Variants in CD1E observed in about 807,000 individuals in gnomAD.
CD1E encodes the protein CD1e molecule.
Under a neutral mutation model 40.1 loss-of-function variants are expected in CD1E, and 49 were observed. The observed-to-expected ratio is 1.22, with a 90% CI of 0.97 to 1.55. The LOEUF (loss-of-function observed/expected upper bound fraction) is 1.55. Among genes scored for constraint, CD1E ranks in the 40% most tolerant of loss-of-function variants. The probability of loss-of-function intolerance (pLI) is 0.00; values close to 1 mark genes in which losing one functional copy is unlikely to be tolerated. For missense variants in CD1E, 492 were observed against 471.3 expected (o/e 1.04, Z -0.41); for synonymous variants, 189 against 178.3 (o/e 1.06, Z -0.48).
intron 4 of CD1E, 104 bp downstream of exon 4, chr1:158,356,209 A>G (rs1318379054): frequency 1.5e-6 from 2 of 1,308,926 alleles, no homozygotes; most frequent in Admixed American, 2.4e-5. Context: ...CAAGAAGGGT[A>G]AAACTGGGAC....
chr1:158,356,602 T>A lies in CD1E; in HGVS notation c.998+11T>A, dbSNP rs1653722716. 1 of 1,609,850 alleles carries A rather than the reference T, an allele frequency of 6.2e-7. No homozygotes were observed. Among genetic ancestry groups the A allele is most frequent in the Non-Finnish European group, 8.5e-7 (1 of 1,176,484 alleles). On this transcript the variant is annotated intron_variant, in intron 5 of 5. Transcript: ENST00000368167. ...GTTAAAAAAACAGAGGTGAGCTTTT[T>A]CTTGTTCTTTGTTTCTTCAGCCTGT...
chr1:158,355,940 G>A lies in CD1E; in HGVS notation c.739G>A (p.Gly247Ser). ...PKPVWVMWMR[G>S]EQEQRGTQRG... is the part of the protein sequence containing the mutation. ...GCCCGTGTGGGTGATGTGGATGCGG[G>A]GTGAGCAGGAGCAGCGGGGCACTCA... Residue 247 changes from glycine to serine, a missense_variant, in exon 4 of 6, where the codon GGT becomes AGT. Gly to Ser is a moderately conservative substitution (Grantham distance 56, BLOSUM62 0). Coordinates refer to ENST00000368167, the MANE Select transcript of CD1E (RefSeq NM_030893.4). 2 of 1,614,136 alleles carry A rather than the reference G, an allele frequency of 1.2e-6. No homozygotes were observed. Among genetic ancestry groups the A allele is most frequent in the South Asian group, 1.1e-5 (1 of 91,078 alleles).
Position 158,357,038 on chromosome 1 carries a change from TC to T in CD1E, c.*144del. 1 of 651,888 alleles carries T rather than the reference TC, an allele frequency of 1.5e-6. No individual in the cohort carries two copies. Among genetic ancestry groups the T allele is most frequent in the Non-Finnish European group, 2.6e-6 (1 of 390,962 alleles). The allele number at this position is 651,888 out of a possible 1,614,324, so 40.4% of individuals were successfully genotyped here. A position where few individuals can be genotyped will look rare whatever the true frequency, so the allele number is the denominator to read the frequency against. On this transcript the variant is annotated 3_prime_UTR_variant, in exon 6 of 6. Transcript: ENST00000368167. ...CTTTAGGAATACTTTTTCCCCATCT[TC>T]CAGAGATTTTTTTTTTCCTGCTTTG...
At chr1:158,355,679 A>T in intron 3 of CD1E, 110 bp downstream of exon 3, 1 of 1,430,444 alleles carries the variant, frequency 7.0e-7, no homozygotes. Context: ...AGAGAATGAG[A>T]TGTGTGGGTT....
Position 158,355,910 on chromosome 1 carries a change from C to T in CD1E, c.709C>T (p.Pro237Ser), listed in dbSNP as rs1212716546. The T allele has an allele frequency of 3.1e-6, 5 of 1,614,104 alleles. No individual in the cohort carries two copies. The highest frequency in any genetic ancestry group is 4.2e-6 in the Non-Finnish European group (5 of 1,180,026). The change falls in exon 4 of 6, where the codon CCA becomes TCA. Residue 237 changes from proline to serine, a missense_variant. Coordinates refer to ENST00000368167, the MANE Select transcript of CD1E (RefSeq NM_030893.4). Reference sequence around the variant, plus strand: ...TGTGTGCCATGTCTCAGGATTCTACCCAAAGCCCGTGTGGGTGATGTGGAT... The same window carrying T: ...TGTGTGCCATGTCTCAGGATTCTACTCAAAGCCCGTGTGGGTGATGTGGAT... ...QLVCHVSGFYPKPVWVMWMRG... is the reference protein window; with the variant it reads ...QLVCHVSGFYSKPVWVMWMRG...
Position 158,354,537 on chromosome 1 carries a change from C to T in CD1E, c.219C>T (p.Thr73=). Residue 73 remains threonine, a synonymous_variant, in exon 2 of 6, where the codon ACC becomes ACT. Coordinates refer to ENST00000368167, the MANE Select transcript of CD1E (RefSeq NM_030893.4). ...ATGGCTGGGACACTGTCTTGGGCAC[C>T]ATCCGCTTTCTGAAGCCCTGGTCCC... ...QTHGWDTVLG[T]IRFLKPWSHG... is the part of the protein sequence containing the mutation. 1 of 1,614,146 alleles carries T rather than the reference C, an allele frequency of 6.2e-7. No individual in the cohort carries two copies. The highest frequency in any genetic ancestry group is 1.1e-5 in the South Asian group (1 of 91,084).
Position 158,354,689 on chromosome 1 carries a change from T to C in CD1E, c.355+16T>C. The C allele has an allele frequency of 6.3e-7, 1 of 1,598,984 alleles. No homozygotes were observed. The highest frequency in any genetic ancestry group is 8.5e-7 in the Non-Finnish European group (1 of 1,171,638). On this transcript the variant is annotated intron_variant, in intron 2 of 5. Coordinates refer to ENST00000368167, the MANE Select transcript of CD1E (RefSeq NM_030893.4). ...CAGCTTGAATGTAAGTTCGTTGCTCTAAGCTGATAATTTGCCTGGGAACAC... is the reference window on the plus strand; with the variant it reads ...CAGCTTGAATGTAAGTTCGTTGCTCCAAGCTGATAATTTGCCTGGGAACAC...
chr1:158,353,931 T>G lies in CD1E; in HGVS notation c.-58T>G. The G allele has an allele frequency of 7.3e-7, 1 of 1,367,252 alleles. No individual in the cohort carries two copies. The highest frequency in any genetic ancestry group is 1.2e-5 in the South Asian group (1 of 85,898). 84.7% of individuals were successfully genotyped at this position (1,367,252 alleles called of 1,614,324 possible). ...AAGAGGGTGTGGAGAGGGGTACTGA[T>G]ATCTGAATTATTAGGGCAGGTGTCC... On this transcript the variant is annotated 5_prime_UTR_variant, in exon 1 of 6. Transcript: ENST00000368167.
Position 158,356,592 on chromosome 1 carries a change from G to A in CD1E, c.998+1G>A, listed in dbSNP as rs755060586. On this transcript the variant is annotated splice_donor_variant, in intron 5 of 5. Transcript: ENST00000368167. LOFTEE classifies it high-confidence loss of function. ...TTGACTCACGGTTAAAAAAACAGAG[G>A]TGAGCTTTTTCTTGTTCTTTGTTTC... The A allele has an allele frequency of 3.7e-6, 6 of 1,611,436 alleles. No homozygotes were observed. The South Asian group carries it at 6.6e-5, about 18-fold the overall frequency.
At position 158,356,997 on chromosome 1, in the gene CD1E, G is replaced by T. The variant is rs1653790736; in HGVS notation, c.*101G>T. Reference sequence around the variant, plus strand: ...GCTTTTATTTAAACAGTTTATACTAGCAAAGATACTGACCCCTTTAGGAAT... The same window carrying T: ...GCTTTTATTTAAACAGTTTATACTATCAAAGATACTGACCCCTTTAGGAAT... On this transcript the variant is annotated 3_prime_UTR_variant, in exon 6 of 6. Transcript: ENST00000368167. 3 of 956,842 alleles carry T rather than the reference G, an allele frequency of 3.1e-6. No individual in the cohort carries two copies. Among genetic ancestry groups the T allele is most frequent in the Admixed American group, 4.1e-5 (2 of 48,388 alleles). The allele number at this position is 956,842 out of a possible 1,614,324, so 59.3% of individuals were successfully genotyped here.
rs201409041 is a variant in CD1E at position 158,356,576 on chromosome 1, G to A, written c.983G>A (p.Arg328Gln). Residue 328 changes from arginine (R) to glutamine (Q), a missense_variant, in exon 5 of 6, where the codon CGG (arginine) becomes CAG (glutamine). Physicochemically the swap from Arg to Gln is conservative, Grantham distance 43 (BLOSUM62 1). Coordinates refer to ENST00000368167, the MANE Select transcript of CD1E (RefSeq NM_030893.4). Reference protein sequence around the residue: ...TLVILVVVDSRLKKQSSNKNI... With the variant: ...TLVILVVVDSQLKKQSSNKNI... ...GTCATATTGGTTGTAGTTGACTCACGGTTAAAAAAACAGAGGTGAGCTTTT... is the reference window on the plus strand; with the variant it reads ...GTCATATTGGTTGTAGTTGACTCACAGTTAAAAAAACAGAGGTGAGCTTTT... 67 of 1,612,916 alleles carry A rather than the reference G, an allele frequency of 4.2e-5. No homozygotes were observed. In the East Asian group the frequency reaches 1.1e-3, roughly 27 times the overall value.
In CD1E at chr1:158,355,370, T is replaced by C; in HGVS notation, c.426T>C (p.Tyr142=). 6.2e-7 allele frequency: 1 copy of C among 1,614,088 alleles called. No individual in the cohort carries two copies. Among genetic ancestry groups the C allele is most frequent in the Non-Finnish European group, 8.5e-7 (1 of 1,179,970 alleles). ...NAPQIFLNMA[Y]QGSDFLSFQG... is the part of the protein sequence containing the mutation. The stretch of plus-strand genomic sequence containing the variant: ...CACAAATCTTCTTAAATATGGCATA[T>C]CAAGGGTCAGATTTCCTGAGTTTCC... The change falls in exon 3 of 6, where the codon TAT becomes TAC. Residue 142 remains tyrosine, a synonymous_variant. Transcript: ENST00000368167.
chr1:158,355,618 C>T lies in CD1E; in HGVS notation c.625+49C>T, dbSNP rs1022978803. On this transcript the variant is annotated intron_variant, in intron 3 of 5. Transcript: ENST00000368167. Reference sequence around the variant, plus strand: ...CTCTTGTTCCTAGTACTATAACTCTCATATTTGAATTTGCCTCTCATCATC... The same window carrying T: ...CTCTTGTTCCTAGTACTATAACTCTTATATTTGAATTTGCCTCTCATCATC... 3.8e-6 allele frequency: 6 copies of T among 1,563,694 alleles called. No individual in the cohort carries two copies. In the African/African-American group the frequency reaches 4.1e-5, roughly 11 times the overall value.
chr1:158,354,922 C>T (rs1653434103), intron 2 of CD1E, among the ~76,000 whole-genome samples: 1 of 152,116 alleles, frequency 6.6e-6, no homozygotes, highest in South Asian at 2.1e-4. Flanking sequence ...TGATTGTCTC[C>T]TCTGGATCTT....
At position 158,356,851 on chromosome 1, in the gene CD1E, C is replaced by CAGAGTATTGA; in HGVS notation, c.1126_1135dup (p.Lys379SerfsTer22). 6.2e-7 allele frequency: 1 copy of CAGAGTATTGA among 1,614,040 alleles called. No individual in the cohort carries two copies. The highest frequency in any genetic ancestry group is 8.5e-7 in the Non-Finnish European group (1 of 1,180,008). On this transcript the variant is annotated frameshift_variant, in exon 6 of 6. Coordinates refer to ENST00000368167, the MANE Select transcript of CD1E (RefSeq NM_030893.4). LOFTEE classifies it low-confidence loss of function (END_TRUNC). ...TGGCACAAGTATCGTGGATCAAAAA[C>CAGAGTATTGA]AGAGTATTGAAGAAGTGGAAGACAC... is the stretch of plus-strand genomic sequence containing the variant.
At chr1:158,354,349 C>A (rs1222958641) in intron 1 of CD1E, 28 bp from the exon 2 acceptor site, 5 of 1,558,066 alleles carry the variant, frequency 3.2e-6, no homozygotes, top group Non-Finnish European at 4.3e-6. Context: ...TTTACATTCT[C>A]TCTACTTGTC....
rs1471137657 is a variant in CD1E, at chr1:158,355,949, G to C, written c.748G>C (p.Glu250Gln). 2 of 1,614,030 alleles carry C rather than the reference G, an allele frequency of 1.2e-6. No individual in the cohort carries two copies. Among genetic ancestry groups the C allele is most frequent in the African/African-American group, 2.7e-5 (2 of 74,916 alleles). The change falls in exon 4 of 6, where the codon GAG (glutamate) becomes CAG (glutamine). Residue 250 changes from glutamate (E) to glutamine (Q), a missense_variant. Physicochemically the swap from Glu to Gln is conservative, Grantham distance 29. Coordinates refer to ENST00000368167, the MANE Select transcript of CD1E (RefSeq NM_030893.4). ...GGTGATGTGGATGCGGGGTGAGCAGGAGCAGCGGGGCACTCAGCGAGGGGA... is the reference window on the plus strand; with the variant it reads ...GGTGATGTGGATGCGGGGTGAGCAGCAGCAGCGGGGCACTCAGCGAGGGGA... ...VWVMWMRGEQ[E>Q]QRGTQRGDVL...
At chr1:158,356,364 G>T in intron 4 of CD1E, 134 bp from the exon 5 acceptor site, 1 of 810,772 alleles carries the variant, frequency 1.2e-6, no homozygotes, top group Non-Finnish European at 1.9e-6. Flanking sequence ...CAAAGGATCA[G>T]GAGGAATTGA....
At position 158,354,000 on chromosome 1, in the gene CD1E, G is replaced by T; in HGVS notation, c.12G>T (p.Leu4=). The T allele has an allele frequency of 6.2e-7, 1 of 1,614,136 alleles. No homozygotes were observed. Among genetic ancestry groups the T allele is most frequent in the South Asian group, 1.1e-5 (1 of 91,086 alleles). The change falls in exon 1 of 6, where the codon CTG becomes CTT. Residue 4 remains leucine, a synonymous_variant. Transcript: ENST00000368167. ...TTAACAGAGCTTCAATGCTGCTCCTGTTCCTCCTCTTCGAGGGTCTCTGCT... is the reference window on the plus strand; with the variant it reads ...TTAACAGAGCTTCAATGCTGCTCCTTTTCCTCCTCTTCGAGGGTCTCTGCT... MLL[L]FLLFEGLCCP...
Sources: allele counts gnomAD v4.1 joint callset (sites outside exome capture counted in the v4.1 genomes callset), GRCh38; gene constraint gnomAD v4.1.1; transcripts MANE v1.5; gene names NCBI Gene and HGNC (gene_info 2026-07-23, HGNC 2026-07-21).